The following FGL1 variants were observed in gnomAD, a reference collection of about 807,000 sequenced individuals.
FGL1 encodes the protein fibrinogen like 1.
FGL1 carries 59 observed loss-of-function variants against 43.7 expected under a neutral mutation model. The ratio of observed to expected loss-of-function variants is 1.35; its 90% CI spans 1.10 to 1.68. The LOEUF is 1.68. Among genes scored for constraint, FGL1 ranks in the 40% most tolerant of loss-of-function variants. The pLI is 0.00. For missense variants in FGL1, 596 were observed against 373.0 expected (o/e 1.60, Z -4.92); for synonymous variants, 192 against 126.5 (o/e 1.52, Z -3.48).
intron 3 of FGL1, 91 bp from the exon 4 acceptor site, chr8:17,874,612 C>T: frequency 1.1e-6 from 1 of 909,226 alleles, no homozygotes; most frequent in Admixed American, 2.5e-5. Flanking sequence ...CTCAGTATCA[C>T]TGGAGACAGA....
chr8:17,869,113 G>A (rs1422629420), intron 5 of FGL1, 109 bp from the exon 6 acceptor site: 7 of 617,786 alleles, frequency 1.1e-5, no homozygotes, highest in South Asian at 2.6e-5. Flanking sequence ...ATTTCCCTTG[G>A]CCAAGAATCA....
chr8:17,888,649 T>C (rs2053663061), intron 1 of FGL1, among the ~76,000 whole-genome samples: 1 of 152,224 alleles, frequency 6.6e-6, no homozygotes. Context: ...GAACACTCCT[T>C]ATTCATTGTG....
In FGL1 at chr8:17,874,454, G is replaced by A. The variant is rs1436822677; in HGVS notation, c.312C>T (p.Ser104=). Residue 104 remains serine, a synonymous_variant, in exon 4 of 8, where the codon AGC becomes AGT. Transcript: ENST00000427924. ...SGFYKIKPLQ[S]PAEFSVYCDM... is the part of the protein sequence containing the mutation. ...CACAATAAACAGAAAATTCTGCTGGGCTCTGGAGAGGTTTGATTTTGTAAA... is the reference window on the plus strand; with the variant it reads ...CACAATAAACAGAAAATTCTGCTGGACTCTGGAGAGGTTTGATTTTGTAAA... 1.2e-6 allele frequency: 2 copies of A among 1,613,888 alleles called. No homozygotes were observed. The highest frequency in any genetic ancestry group is 1.7e-6 in the Non-Finnish European group (2 of 1,179,954).
At chr8:17,882,822 A>G (rs62500070) in intron 2 of FGL1, among the ~76,000 whole-genome samples, 6,288 of 28,218 alleles carry the variant, frequency 0.22, 471 homozygotes, top group Middle Eastern at 0.42. Context: ...ATAATATATC[A>G]TATATAATAT....
At chr8:17,895,371 G>C (rs1039708635) in intron 1 of FGL1, 76 bp downstream of exon 1, 1 of 1,242,704 alleles carries the variant, frequency 8.0e-7, no homozygotes, top group Non-Finnish European at 1.0e-6. Context: ...CCTGAGTTTT[G>C]GTTACTATCA....
chr8:17,874,549 T>A, intron 3 of FGL1, 28 bp from the exon 4 acceptor site: 1 of 1,582,724 alleles, frequency 6.3e-7, no homozygotes, highest in Non-Finnish European at 8.6e-7. Flanking sequence ...TAATGTAACA[T>A]TCATTATGTG....
rs572511642 is a variant in FGL1, at chr8:17,864,517, T to C, written c.*75A>G. ...AACAGTTATCATGATTGCGCATGGA[T>C]ATGTTCAGAATGAGTATTTTTCAAA... On this transcript the variant is annotated 3_prime_UTR_variant, in exon 8 of 8. Transcript: ENST00000427924. 1.2e-5 allele frequency: 17 copies of C among 1,454,534 alleles called. No individual in the cohort carries two copies. In the East Asian group the frequency reaches 1.6e-4, roughly 14 times the overall value. 90.1% of individuals were successfully genotyped at this position (1,454,534 alleles called of 1,614,324 possible).
chr8:17,883,117 C>A (rs1277182761), intron 2 of FGL1, among the ~76,000 whole-genome samples: 1 of 39,080 alleles, frequency 2.6e-5, no homozygotes, highest in Non-Finnish European at 4.1e-5. Flanking sequence ...TAATATATAT[C>A]ATATATAATA....
intron 5 of FGL1, among the ~76,000 whole-genome samples, chr8:17,871,032 G>GACTGGAGTCCCTTT (rs1415210603): frequency 2.0e-5 from 3 of 151,986 alleles, no homozygotes; most frequent in Admixed American, 2.0e-4. Flanking sequence ...GATTCCTCAA[G>GACTGGAGTCCCTTT]ACTGGAGTCC....
chr8:17,884,159 C>G (rs1408428829), intron 2 of FGL1, among the ~76,000 whole-genome samples: 4 of 144,502 alleles, frequency 2.8e-5, no homozygotes, highest in African/African-American at 5.0e-5. Context: ...CACAGAACCT[C>G]TCCCAGCCAT....
chr8:17,886,493 C>T (rs989373447), intron 1 of FGL1, among the ~76,000 whole-genome samples: 2 of 152,052 alleles, frequency 1.3e-5, no homozygotes, highest in Admixed American at 6.6e-5. Flanking sequence ...TGCGGTGGCT[C>T]ACGCCTGTAA....
intron 5 of FGL1, among the ~76,000 whole-genome samples, chr8:17,873,276 C>T (rs547796095): frequency 4.0e-4 from 61 of 152,148 alleles, no homozygotes; most frequent in Non-Finnish European, 7.1e-4. Context: ...GACTTATATA[C>T]ATCCACTCTT....
chr8:17,876,983 C>T (rs955728627), intron 3 of FGL1, among the ~76,000 whole-genome samples: 1 of 151,988 alleles, frequency 6.6e-6, no homozygotes, highest in South Asian at 2.1e-4. Context: ...ACAAAACCCC[C>T]AACAAATAAA....
At position 17,882,811 on chromosome 8, in the gene FGL1, T is replaced by A. The variant is rs865780942; in HGVS notation, c.64-632A>T. ...ATAGTATATAATATATTAAACAATA[T>A]ATAATATATCATATATAATATATTA... is the stretch of plus-strand genomic sequence containing the variant. On this transcript the variant is annotated intron_variant, in intron 2 of 7. Transcript: ENST00000427924. 1,047 of 113,576 alleles carry A rather than the reference T, an allele frequency of 9.2e-3. 37 individuals carry two copies. Among genetic ancestry groups the A allele is most frequent in the South Asian group, 0.02 (84 of 4,126 alleles). The allele number at this position is 113,576 out of a possible 1,614,324, so 7.0% of individuals were successfully genotyped here.
intron 1 of FGL1, among the ~76,000 whole-genome samples, chr8:17,889,001 G>C (rs35870789): frequency 0.048 from 7,364 of 152,154 alleles, 195 homozygotes; most frequent in East Asian, 0.069. Flanking sequence ...CACAATAATT[G>C]CTAAACAGGC....
At chr8:17,878,203 C>T (rs528957048) in intron 3 of FGL1, among the ~76,000 whole-genome samples, 21 of 152,252 alleles carry the variant, frequency 1.4e-4, no homozygotes, top group Admixed American at 1.1e-3. Flanking sequence ...CCTCCCACCT[C>T]GGCCTCTCAA....
intron 5 of FGL1, 138 bp from the exon 6 acceptor site, chr8:17,869,142 G>C (rs2053318177): frequency 5.4e-6 from 3 of 556,212 alleles, no homozygotes; most frequent in Non-Finnish European, 9.6e-6. Context: ...AGATTAAACA[G>C]TGACTCCTTT....
At chr8:17,887,783 C>T (rs983104682) in intron 1 of FGL1, among the ~76,000 whole-genome samples, 4 of 151,116 alleles carry the variant, frequency 2.6e-5, no homozygotes, top group Non-Finnish European at 5.9e-5. Context: ...TGCAGTGAGC[C>T]GAGATCACGC....
chr8:17,895,121 T>C (rs1488851967), intron 1 of FGL1: 4 of 231,078 alleles, frequency 1.7e-5, no homozygotes, highest in Non-Finnish European at 2.9e-5. Context: ...ATTATACATA[T>C]TTAGAAAGTC....
Sources: gnomAD v4.1 joint callset for allele counts (sites outside exome capture counted in the v4.1 genomes callset) on GRCh38, gnomAD v4.1.1 for gene constraint, MANE v1.5 for transcripts, NCBI Gene and HGNC (gene_info 2026-07-23, HGNC 2026-07-21) for gene names.